Variants in UBE3D observed in about 807,000 individuals in gnomAD.
The protein encoded by UBE3D is ubiquitin protein ligase E3D.
Under a neutral mutation model 49.6 loss-of-function variants are expected in UBE3D, and 48 were observed. The observed-to-expected ratio is 0.97, with a 90% CI of 0.77 to 1.23. The LOEUF (loss-of-function observed/expected upper bound fraction) is 1.23, where lower values mean the gene tolerates loss of function less well. UBE3D is among the 50% of genes most tolerant of loss of function. The probability of loss-of-function intolerance (pLI) is 0.00; values close to 1 mark genes in which losing one functional copy is unlikely to be tolerated. For missense variants in UBE3D, 452 were observed against 468.4 expected (o/e 0.96, Z 0.32); for synonymous variants, 189 against 174.2 (o/e 1.08, Z -0.67).
At chr6:82,906,862 A>G (rs1376707994) in intron 9 of UBE3D, among the ~76,000 whole-genome samples, 1 of 152,228 alleles carries the variant, frequency 6.6e-6, no homozygotes, top group Non-Finnish European at 1.5e-5. Flanking sequence ...AGGCTAGAAA[A>G]TACTGTCTTA....
chr6:83,046,296 T>C (rs1209676344), intron 3 of UBE3D, among the ~76,000 whole-genome samples: 1 of 152,094 alleles, frequency 6.6e-6, no homozygotes, highest in East Asian at 1.9e-4. Context: ...ATCAACTGAG[T>C]TGCATAAAAG....
chr6:83,014,151 T>G (rs1049761900), intron 8 of UBE3D, among the ~76,000 whole-genome samples: 1 of 152,224 alleles, frequency 6.6e-6, no homozygotes, highest in Non-Finnish European at 1.5e-5. Context: ...GTCACCACTT[T>G]GTTAAACTTA....
intron 5 of UBE3D, among the ~76,000 whole-genome samples, chr6:83,034,489 T>C (rs1463687557): frequency 6.6e-6 from 1 of 152,116 alleles, no homozygotes; most frequent in African/African-American, 2.4e-5. Flanking sequence ...TGGCTCTGTG[T>C]CCCCACCCAA....
At chr6:82,964,158 G>T (rs1776744509) in intron 8 of UBE3D, among the ~76,000 whole-genome samples, 1 of 152,082 alleles carries the variant, frequency 6.6e-6, no homozygotes, top group Non-Finnish European at 1.5e-5. Context: ...ATTCCCTAGA[G>T]AAGCAACTAC....
At chr6:83,053,769 T>G (rs1783628821) in intron 3 of UBE3D, among the ~76,000 whole-genome samples, 1 of 152,204 alleles carries the variant, frequency 6.6e-6, no homozygotes, top group African/African-American at 2.4e-5. Context: ...AAATAAAAAG[T>G]TTTTGTGCAA....
At position 83,022,981 on chromosome 6, in the gene UBE3D, T is replaced by C. The variant is rs1443584934; in HGVS notation, c.738-420A>G. On this transcript the variant is annotated intron_variant, in intron 6 of 9. Coordinates refer to ENST00000369747, the MANE Select transcript of UBE3D (RefSeq NM_198920.3). ...TTCTTCCATTTGGATCTCCCTAAAG[T>C]GTCAGCTCTGAGGTACAGAATCAAA... 3.3e-5 allele frequency among the ~76,000 whole-genome samples: 5 copies of C among 152,214 alleles called. No homozygotes were observed. In the East Asian group the frequency reaches 5.8e-4, roughly 18 times the overall value.
intron 9 of UBE3D, among the ~76,000 whole-genome samples, chr6:82,931,329 C>T (rs898182409): frequency 5.3e-5 from 8 of 152,324 alleles, no homozygotes; most frequent in East Asian, 1.9e-4. Context: ...GTCGGAGCCC[C>T]GACCCAGAGT....
intron 9 of UBE3D, among the ~76,000 whole-genome samples, chr6:82,901,911 T>C (rs574912575): frequency 2.0e-5 from 3 of 152,332 alleles, no homozygotes; most frequent in Non-Finnish European, 2.9e-5. Flanking sequence ...CAAATTCAAA[T>C]TGACGTATCA....
Position 82,957,355 on chromosome 6 carries a change from T to C in UBE3D, c.1106A>G (p.Asn369Ser), listed in dbSNP as rs763953481. The C allele has an allele frequency of 2.0e-5, 33 of 1,613,968 alleles. No homozygotes were observed. Among genetic ancestry groups the C allele is most frequent in the Non-Finnish European group, 2.7e-5 (32 of 1,180,010 alleles). Residue 369 changes from asparagine (N) to serine (S), a missense_variant, in exon 9 of 10, where the codon AAT becomes AGT. Physicochemically the swap from Asn to Ser is conservative, Grantham distance 46. Coordinates refer to ENST00000369747, the MANE Select transcript of UBE3D (RefSeq NM_198920.3). ...GCGAAGGGATGAAGGCAGATTGGCA[T>C]TACTCTTTGACAATATCAACAGCAG... ...LELLLILSKS[N>S]ANLPSSLRRV... is the part of the protein sequence containing the mutation.
At chr6:83,063,135 G>T in intron 1 of UBE3D, 1 of 270,560 alleles carries the variant, frequency 3.7e-6, no homozygotes, top group Non-Finnish European at 7.3e-6. Flanking sequence ...AAACGAGGCA[G>T]GGCATGGTGG....
chr6:83,054,354 AG>A (rs1229689412), intron 2 of UBE3D, 116 bp from the exon 3 acceptor site: 1 of 716,672 alleles, frequency 1.4e-6, no homozygotes, highest in African/African-American at 1.8e-5. Context: ...TGATCCACCC[AG>A]AAGTACACAT....
chr6:82,954,073 T>C (rs1000726531), intron 9 of UBE3D, among the ~76,000 whole-genome samples: 17 of 152,028 alleles, frequency 1.1e-4, no homozygotes, highest in African/African-American at 3.9e-4. Flanking sequence ...GAGCCAGAGA[T>C]GAGGTCAGAA....
At chr6:82,975,068 T>C (rs1008676673) in intron 8 of UBE3D, among the ~76,000 whole-genome samples, 2 of 152,156 alleles carry the variant, frequency 1.3e-5, no homozygotes, top group Non-Finnish European at 2.9e-5. Context: ...CTAAAATATA[T>C]AAACTTGCTT....
chr6:83,047,889 T>C (rs1783178037), intron 3 of UBE3D, among the ~76,000 whole-genome samples: 1 of 151,910 alleles, frequency 6.6e-6, no homozygotes, highest in Admixed American at 6.6e-5. Context: ...AAGACCATCC[T>C]GGCTAACACG....
At chr6:82,906,925 G>C (rs1347813972) in intron 9 of UBE3D, among the ~76,000 whole-genome samples, 1 of 152,110 alleles carries the variant, frequency 6.6e-6, no homozygotes, top group Non-Finnish European at 1.5e-5. Flanking sequence ...ACAAAAGAAA[G>C]TTCATGAGTC....
At chr6:82,911,132 C>T (rs1018347003) in intron 9 of UBE3D, among the ~76,000 whole-genome samples, 1 of 121,284 alleles carries the variant, frequency 8.2e-6, no homozygotes, top group African/African-American at 3.2e-5. Context: ...GCCATAATGT[C>T]ATAGAAGGAT....
chr6:82,908,716 T>C (rs1013411548), intron 9 of UBE3D, among the ~76,000 whole-genome samples: 2 of 152,156 alleles, frequency 1.3e-5, no homozygotes, highest in Non-Finnish European at 2.9e-5. Context: ...AGGAGAAAGA[T>C]GGATGGGGTA....
At position 82,937,995 on chromosome 6, in the gene UBE3D, A is replaced by G. The variant is rs987422950; in HGVS notation, c.1149+19317T>C. Among the ~76,000 whole-genome samples, 6 of 149,564 alleles carry G rather than the reference A, an allele frequency of 4.0e-5. No homozygotes were observed. The East Asian group carries it at 6.2e-4, about 15-fold the overall frequency. Reference sequence around the variant, plus strand: ...AGAGCACACGGGCGTGTGCGCGCGCACACACACACACAACAACCCTATGTA... The same window carrying G: ...AGAGCACACGGGCGTGTGCGCGCGCGCACACACACACAACAACCCTATGTA... On this transcript the variant is annotated intron_variant, in intron 9 of 9. Transcript: ENST00000369747.
Position 82,903,739 on chromosome 6 carries a change from G to A in UBE3D, c.1150-10697C>T, listed in dbSNP as rs548849070. 2.0e-4 allele frequency among the ~76,000 whole-genome samples: 31 copies of A among 152,068 alleles called. No homozygotes were observed. The South Asian group carries it at 3.5e-3, about 17-fold the overall frequency. On this transcript the variant is annotated intron_variant, in intron 9 of 9. Transcript: ENST00000369747. ...ATACCATTTATTTCTTAAGTCTATC[G>A]TTTGGACTTGCTGGAAATAAAGAGG...
Sources: allele counts gnomAD v4.1 joint callset (sites outside exome capture counted in the v4.1 genomes callset), GRCh38; gene constraint gnomAD v4.1.1; transcripts MANE v1.5; gene names NCBI Gene and HGNC (gene_info 2026-07-23, HGNC 2026-07-21).